The following SLC4A4 variants were observed in gnomAD, a reference collection of about 807,000 sequenced individuals.
The protein encoded by SLC4A4 is electrogenic sodium bicarbonate cotransporter 1.
Under a neutral mutation model 111.5 loss-of-function variants are expected in SLC4A4, and 27 were observed. The observed-to-expected ratio is 0.24, with a 90% CI of 0.18 to 0.33. The LOEUF (loss-of-function observed/expected upper bound fraction) is 0.33. SLC4A4 is among the 10% of genes least tolerant of loss of function. SLC4A4 has a pLI of 1.00. For missense variants in SLC4A4, 909 were observed against 1,315.5 expected, an observed-to-expected ratio of 0.69 and a Z score of 4.78; for synonymous variants, 443 against 463.4, an observed-to-expected ratio of 0.96 and a Z score of 0.57.
intron 1 of SLC4A4, among the ~76,000 whole-genome samples, chr4:71,089,398 G>A (rs987217821): frequency 3.7e-4 from 57 of 152,028 alleles, no homozygotes; most frequent in African/African-American, 1.1e-3. Context: ...CTCTCAACTC[G>A]TCAAAGTCAT....
At chr4:71,311,890 TGAGAGAGAGA>T (rs761331086) in intron 3 of SLC4A4, among the ~76,000 whole-genome samples, 107 of 76,610 alleles carry the variant, frequency 1.4e-3, no homozygotes, top group African/African-American at 3.8e-3. Context: ...TGCAAGGCTG[TGAGAGAGAGA>T]GAGAGAGAGA....
chr4:71,088,802 G>A (rs190174192), intron 1 of SLC4A4, among the ~76,000 whole-genome samples: 1,827 of 152,102 alleles, frequency 0.012, 47 homozygotes, highest in African/African-American at 0.042. Flanking sequence ...TTTCCTTTGT[G>A]GGTAACCCGA....
chr4:71,569,138 T>C lies in SLC4A4; in HGVS notation c.*1387T>C, dbSNP rs1288982662. On this transcript the variant is annotated 3_prime_UTR_variant, in exon 26 of 26. Coordinates refer to ENST00000264485, the MANE Select transcript of SLC4A4 (RefSeq NM_001098484.3). ...GAGGGCAAAGTCATTGAATCTCTTA[T>C]GCCAGTTTTCATAAAACCCAAACCA... 1 of 151,682 alleles carries C rather than the reference T, an allele frequency of 6.6e-6. No homozygotes were observed. Among genetic ancestry groups the C allele is most frequent in the East Asian group, 2.0e-4 (1 of 5,126 alleles). The allele number at this position is 151,682 out of a possible 1,614,324, so 9.4% of individuals were successfully genotyped here.
intron 16 of SLC4A4, among the ~76,000 whole-genome samples, chr4:71,501,442 C>T (rs1364157711): frequency 2.6e-5 from 4 of 151,588 alleles, no homozygotes; most frequent in South Asian, 2.1e-4. Flanking sequence ...TAGGAATTTA[C>T]CCATTTCTTC....
Position 71,330,660 on chromosome 4 carries a change from G to C in SLC4A4, c.254-8710G>C, listed in dbSNP as rs543190963. The stretch of plus-strand genomic sequence containing the variant: ...AAGAAAACCTAGGCAATACCATTCA[G>C]GACATAAGCATGGGCAAGGACTTCA... On this transcript the variant is annotated intron_variant, in intron 3 of 25. Coordinates refer to ENST00000264485, the MANE Select transcript of SLC4A4 (RefSeq NM_001098484.3). Among the ~76,000 whole-genome samples, 237 of 152,256 alleles carry C rather than the reference G, an allele frequency of 1.6e-3. 2 individuals carry two copies. The highest frequency in any genetic ancestry group is 2.7e-3 in the Non-Finnish European group (182 of 68,006).
chr4:71,457,125 C>T (rs1726342146), intron 12 of SLC4A4, among the ~76,000 whole-genome samples: 1 of 152,166 alleles, frequency 6.6e-6, no homozygotes, highest in East Asian at 1.9e-4. Context: ...TCTAAGCAAA[C>T]TCTTCTGCCA....
chr4:71,188,176 T>G (rs1372704034), intron 1 of SLC4A4, among the ~76,000 whole-genome samples: 1 of 152,208 alleles, frequency 6.6e-6, no homozygotes, highest in Admixed American at 6.5e-5. Flanking sequence ...ACCTGGGAAC[T>G]ACATCAGCAA....
At chr4:71,313,541 C>T (rs977305839) in intron 3 of SLC4A4, among the ~76,000 whole-genome samples, 1 of 152,136 alleles carries the variant, frequency 6.6e-6, no homozygotes, top group Non-Finnish European at 1.5e-5. Context: ...GCTACAGTAA[C>T]CAAAACAGCA....
intron 2 of SLC4A4, among the ~76,000 whole-genome samples, chr4:71,166,721 CAAG>C (rs1744787557): frequency 6.6e-6 from 1 of 152,064 alleles, no homozygotes; most frequent in Non-Finnish European, 1.5e-5. Context: ...TTAATTTTTC[CAAG>C]AAGAATTAAG....
At chr4:71,260,741 T>C (rs1721796682) in intron 3 of SLC4A4, among the ~76,000 whole-genome samples, 1 of 152,322 alleles carries the variant, frequency 6.6e-6, no homozygotes, top group African/African-American at 2.4e-5. Context: ...TGAGTTTGAA[T>C]CCCAGTTCAT....
chr4:71,386,144 T>C (rs1358035905), intron 6 of SLC4A4, among the ~76,000 whole-genome samples: 1 of 152,146 alleles, frequency 6.6e-6, no homozygotes, highest in Non-Finnish European at 1.5e-5. Flanking sequence ...CATTATCTTC[T>C]ACCATTCTGT....
chr4:71,184,213 C>A (rs1745384264), upstream of SLC4A4, among the ~76,000 whole-genome samples: 1 of 152,220 alleles, frequency 6.6e-6, no homozygotes, highest in African/African-American at 2.4e-5. Context: ...CGGCACCTTA[C>A]TTTCAATAAT....
intron 16 of SLC4A4, among the ~76,000 whole-genome samples, chr4:71,503,912 T>C (rs1731164296): frequency 6.6e-6 from 1 of 152,184 alleles, no homozygotes; most frequent in African/African-American, 2.4e-5. Flanking sequence ...AGATCTTTAT[T>C]ATAGCTTTGC....
intron 13 of SLC4A4, among the ~76,000 whole-genome samples, chr4:71,468,121 T>G (rs1241472936): frequency 6.6e-6 from 1 of 152,090 alleles, no homozygotes; most frequent in African/African-American, 2.4e-5. Flanking sequence ...TTAAGTAGTG[T>G]TGTGAATTTT....
intron 14 of SLC4A4, among the ~76,000 whole-genome samples, chr4:71,477,623 A>C (rs1728486721): frequency 1.3e-5 from 2 of 151,854 alleles, no homozygotes; most frequent in South Asian, 4.1e-4. Context: ...ATTAAGAAAA[A>C]GGCTTTAAAG....
chr4:71,464,416 C>T (rs1727128171), intron 12 of SLC4A4, among the ~76,000 whole-genome samples: 1 of 152,224 alleles, frequency 6.6e-6, no homozygotes, highest in East Asian at 1.9e-4. Flanking sequence ...GCTGCCCTTC[C>T]TTGTTATTCT....
chr4:71,084,241 C>T lies in SLC4A4; in HGVS notation c.-64-8489C>T, dbSNP rs144045773. On this transcript the variant is annotated intron_variant, in intron 1 of 26. Transcript: ENST00000649996. ...TATTAATAATCGGATGTAAAGATCG[C>T]CTTGAAGTATAGTCTATAATAATAA... 2.6e-3 allele frequency among the ~76,000 whole-genome samples: 397 copies of T among 151,916 alleles called. 6 individuals carry two copies. Among genetic ancestry groups the T allele is most frequent in the African/African-American group, 9.3e-3 (384 of 41,298 alleles).
At chr4:71,209,098 A>G (rs1048446470) in intron 1 of SLC4A4, among the ~76,000 whole-genome samples, 3 of 152,232 alleles carry the variant, frequency 2.0e-5, no homozygotes, top group African/African-American at 4.8e-5. Flanking sequence ...TTTATTCTGC[A>G]TGATCAGAAT....
chr4:71,147,821 A>G (rs887340367), intron 2 of SLC4A4, among the ~76,000 whole-genome samples: 2 of 152,042 alleles, frequency 1.3e-5, no homozygotes, highest in Admixed American at 1.3e-4. Flanking sequence ...ATAAGGCTGA[A>G]TTTGTTTTGG....
Sources: allele counts gnomAD v4.1 joint callset (sites outside exome capture counted in the v4.1 genomes callset), GRCh38; gene constraint gnomAD v4.1.1; transcripts MANE v1.5; gene names NCBI Gene and HGNC (gene_info 2026-07-23, HGNC 2026-07-21).